PHACTR1: variants seen among roughly 807,000 people sequenced by gnomAD.
The protein encoded by PHACTR1 is phosphatase and actin regulator 1, also known as RPEL repeat containing 1.
PHACTR1 carries 16 observed loss-of-function variants against 69.2 expected under a neutral mutation model. That is an observed-to-expected ratio of 0.23 (90% CI 0.16 to 0.35). The LOEUF (loss-of-function observed/expected upper bound fraction) is 0.35, where lower values mean the gene tolerates loss of function less well. Ranked by LOEUF, PHACTR1 falls within the 10% of genes least tolerant of loss-of-function variation. The pLI is 1.00. For synonymous variants in PHACTR1, 312 were observed against 284.5 expected (o/e 1.10, Z -0.97); for missense variants, 510 against 734.7 (o/e 0.69, Z 3.54).
chr6:13,162,247 G>A (rs948378682), intron 6 of PHACTR1, among the ~76,000 whole-genome samples: 9 of 151,162 alleles, frequency 6.0e-5, no homozygotes, highest in South Asian at 2.1e-4. Flanking sequence ...CCACAGGTGC[G>A]CACCACCATG....
intron 4 of PHACTR1, among the ~76,000 whole-genome samples, chr6:12,797,067 T>A (rs566694992): frequency 1.4e-5 from 2 of 147,886 alleles, no homozygotes; most frequent in South Asian, 4.3e-4. Context: ...GGGATATGAA[T>A]AATGTAGGAC....
At position 13,108,227 on chromosome 6, in the gene PHACTR1, C is replaced by T. The variant is rs116357972; in HGVS notation, c.416-51977C>T. Among the ~76,000 whole-genome samples the T allele has an allele frequency of 1.9e-3, 288 of 152,092 alleles. 1 individual carries two copies. Among genetic ancestry groups the T allele is most frequent in the Admixed American group, 3.9e-3 (60 of 15,278 alleles). The stretch of plus-strand genomic sequence containing the variant: ...TTTGATTTCTAAGTTAATTTCATTG[C>T]AGTCATAGAACATATTCCATATGAT... On this transcript the variant is annotated intron_variant, in intron 5 of 14. Coordinates refer to ENST00000332995, the MANE Select transcript of PHACTR1 (RefSeq NM_030948.6).
chr6:12,925,850 T>C (rs1788216357), intron 4 of PHACTR1, among the ~76,000 whole-genome samples: 1 of 151,858 alleles, frequency 6.6e-6, no homozygotes, highest in Non-Finnish European at 1.5e-5. Context: ...AAAGCAGAAA[T>C]AGGAAAAAAA....
At chr6:12,914,051 C>A (rs993674763) in intron 4 of PHACTR1, among the ~76,000 whole-genome samples, 3 of 152,162 alleles carry the variant, frequency 2.0e-5, no homozygotes, top group Non-Finnish European at 2.9e-5. Flanking sequence ...TTACTGCTAC[C>A]TCCGCCTCCC....
At chr6:13,153,224 T>C (rs1194469762) in intron 5 of PHACTR1, among the ~76,000 whole-genome samples, 1 of 152,160 alleles carries the variant, frequency 6.6e-6, no homozygotes, top group African/African-American at 2.4e-5. Flanking sequence ...GAATACACAG[T>C]GGTAAAGATG....
chr6:12,869,805 G>C (rs568078737), intron 4 of PHACTR1, among the ~76,000 whole-genome samples: 81 of 152,206 alleles, frequency 5.3e-4, no homozygotes, highest in Middle Eastern at 3.4e-3. Flanking sequence ...ATTCTATTTT[G>C]TAGTTCTATA....
intron 4 of PHACTR1, among the ~76,000 whole-genome samples, chr6:12,896,248 C>T (rs749216393): frequency 3.9e-5 from 6 of 152,222 alleles, no homozygotes; most frequent in Non-Finnish European, 7.3e-5. Context: ...AGGCATTACC[C>T]TTGTAACTCA....
chr6:12,801,138 G>A (rs1360131399), intron 4 of PHACTR1, among the ~76,000 whole-genome samples: 1 of 152,126 alleles, frequency 6.6e-6, no homozygotes, highest in Non-Finnish European at 1.5e-5. Flanking sequence ...ATTTGTATTG[G>A]TGAAGTAACT....
intron 4 of PHACTR1, among the ~76,000 whole-genome samples, chr6:13,052,855 G>C (rs993984118): frequency 6.6e-6 from 1 of 152,194 alleles, no homozygotes; most frequent in Non-Finnish European, 1.5e-5. Flanking sequence ...TTTCAGTGCT[G>C]CTGAAGGTCT....
Position 12,756,533 on chromosome 6 carries a change from C to T in PHACTR1, c.250+6743C>T, listed in dbSNP as rs543870122. Among the ~76,000 whole-genome samples the T allele has an allele frequency of 7.3e-4, 111 of 152,228 alleles. 1 individual carries two copies. Among genetic ancestry groups the T allele is most frequent in the Non-Finnish European group, 1.5e-3 (100 of 68,010 alleles). The stretch of plus-strand genomic sequence containing the variant: ...AATGATGACAGATTAGCATGACTTT[C>T]TACACAGTTACTGAAGGACAACAGG... On this transcript the variant is annotated intron_variant, in intron 4 of 14. Transcript: ENST00000332995.
In PHACTR1 at chr6:12,730,518, T is replaced by C. The variant is rs79370754; in HGVS notation, c.103+11671T>C. On this transcript the variant is annotated intron_variant, in intron 3 of 14. Coordinates refer to ENST00000332995, the MANE Select transcript of PHACTR1 (RefSeq NM_030948.6). ...CTCAATGCAGCTCAATCATTGTATA[T>C]AACTATAGCTTGTTCTAAAATGCTG... 6.9e-3 allele frequency among the ~76,000 whole-genome samples: 1,042 copies of C among 151,722 alleles called. 7 individuals are homozygous for C. Among genetic ancestry groups the C allele is most frequent in the Non-Finnish European group, 0.011 (772 of 67,924 alleles).
At chr6:12,916,650 C>A (rs1562008724) in intron 4 of PHACTR1, among the ~76,000 whole-genome samples, 1 of 151,824 alleles carries the variant, frequency 6.6e-6, no homozygotes, top group Non-Finnish European at 1.5e-5. Context: ...GCACCAGCAG[C>A]CCATATGACA....
chr6:12,885,991 A>G (rs1460021765), intron 4 of PHACTR1, among the ~76,000 whole-genome samples: 1 of 152,184 alleles, frequency 6.6e-6, no homozygotes, highest in Non-Finnish European at 1.5e-5. Context: ...GCTACTCGGG[A>G]GGCTGAGGCA....
At chr6:13,046,639 C>T (rs1020092038) in intron 4 of PHACTR1, among the ~76,000 whole-genome samples, 2 of 152,020 alleles carry the variant, frequency 1.3e-5, no homozygotes, top group Non-Finnish European at 2.9e-5. Flanking sequence ...GTATATTTTT[C>T]CTTTAACCAG....
intron 5 of PHACTR1, among the ~76,000 whole-genome samples, chr6:13,057,859 A>T (rs1807042899): frequency 6.6e-6 from 1 of 152,148 alleles, no homozygotes. Flanking sequence ...CCATCCTTAA[A>T]AGGCCCTGAG....
chr6:12,985,713 G>T (rs1422166487), intron 4 of PHACTR1, among the ~76,000 whole-genome samples: 3 of 151,744 alleles, frequency 2.0e-5, no homozygotes, highest in Non-Finnish European at 4.4e-5. Context: ...CAATGGTATA[G>T]TTCACAGAAA....
rs749698825 is a variant in PHACTR1, at chr6:12,879,512, C to T, written c.250+129722C>T. ...AGCCACCAGAAGTAGCAGGTCTTGTCTTCTTATTCTTTTTTTCTCTGGCTT... is the reference window on the plus strand; with the variant it reads ...AGCCACCAGAAGTAGCAGGTCTTGTTTTCTTATTCTTTTTTTCTCTGGCTT... On this transcript the variant is annotated intron_variant, in intron 4 of 14. Coordinates refer to ENST00000332995, the MANE Select transcript of PHACTR1 (RefSeq NM_030948.6). Among the ~76,000 whole-genome samples, 9 of 152,072 alleles carry T rather than the reference C, an allele frequency of 5.9e-5. 1 individual carries two copies. Among genetic ancestry groups the T allele is most frequent in the Non-Finnish European group, 1.3e-4 (9 of 68,008 alleles).
intron 4 of PHACTR1, among the ~76,000 whole-genome samples, chr6:13,014,639 C>T (rs1005347951): frequency 1.3e-5 from 2 of 151,978 alleles, no homozygotes; most frequent in Non-Finnish European, 2.9e-5. Context: ...TGTTGAATGA[C>T]GCCTGTTTAG....
At chr6:12,870,606 G>A (rs1251504500) in intron 4 of PHACTR1, among the ~76,000 whole-genome samples, 1 of 151,748 alleles carries the variant, frequency 6.6e-6, no homozygotes, top group Non-Finnish European at 1.5e-5. Flanking sequence ...ACATATAATT[G>A]CACATCTATA....
Sources: allele counts gnomAD v4.1 joint callset (sites outside exome capture counted in the v4.1 genomes callset), GRCh38; gene constraint gnomAD v4.1.1; transcripts MANE v1.5; gene names NCBI Gene and HGNC (gene_info 2026-07-23, HGNC 2026-07-21).